The following ZNF469 variants were observed in gnomAD, a reference collection of about 807,000 sequenced individuals.
The protein encoded by ZNF469 is zinc finger protein 469.
In ZNF469, 1 loss-of-function variant was observed where a neutral mutation model predicts 1.0. The ratio of observed to expected loss-of-function variants is 1.00; its 90% confidence interval spans 0.35 to 4.73. The LOEUF (loss-of-function observed/expected upper bound fraction) is 4.73, where lower values mean the gene tolerates loss of function less well. Ranked by LOEUF, ZNF469 falls within the 30% of genes most tolerant of loss-of-function variation. The probability of loss-of-function intolerance (pLI) is 0.16; values close to 1 mark genes in which losing one functional copy is unlikely to be tolerated. For missense variants in ZNF469, 6,100 were observed against 5,356.3 expected, an observed-to-expected ratio of 1.14 and a Z score of -4.33; for synonymous variants, 2,703 against 2,363.4, an observed-to-expected ratio of 1.14 and a Z score of -4.17.
At chr16:88,415,516 C>A (rs560002432) in intron 1 of ZNF469, among the ~76,000 whole-genome samples, 29 of 152,364 alleles carry the variant, frequency 1.9e-4, no homozygotes, top group African/African-American at 5.5e-4. Flanking sequence ...GAGCCCCCAG[C>A]CTGGGAATGG....
the ZNF469 span, among the ~76,000 whole-genome samples, chr16:88,299,265 G>A: frequency 6.7e-6 from 1 of 149,916 alleles, no homozygotes; most frequent in African/African-American, 2.5e-5. Flanking sequence ...CTTCCTGGAG[G>A]AGGCAGCTTG....
At chr16:88,287,186 C>A in the ZNF469 span, among the ~76,000 whole-genome samples, 1 of 152,190 alleles carries the variant, frequency 6.6e-6, no homozygotes, top group South Asian at 2.1e-4. Context: ...TTGTCCGTAG[C>A]CGATGGCCAT....
At chr16:88,150,429 C>T in the ZNF469 span, among the ~76,000 whole-genome samples, 2 of 152,308 alleles carry the variant, frequency 1.3e-5, no homozygotes, top group Non-Finnish European at 1.5e-5. Flanking sequence ...ATAAATATTT[C>T]GAAGGGCAAG....
chr16:88,411,161 G>A (rs1905150055), intron 1 of ZNF469, among the ~76,000 whole-genome samples: 1 of 152,172 alleles, frequency 6.6e-6, no homozygotes, highest in Non-Finnish European at 1.5e-5. Context: ...ACTTGCTTTT[G>A]GGGGACACAC....
At chr16:88,289,097 T>G in the ZNF469 span, among the ~76,000 whole-genome samples, 4 of 151,824 alleles carry the variant, frequency 2.6e-5, no homozygotes, top group African/African-American at 9.7e-5. Context: ...TTGATAGTGA[T>G]GAGGGTGATG....
chr16:88,314,243 G>A, the ZNF469 span, among the ~76,000 whole-genome samples: 4 of 133,070 alleles, frequency 3.0e-5, no homozygotes, highest in East Asian at 6.2e-4. Context: ...TGATGCTGGT[G>A]TAGAATATCT....
At chr16:88,244,102 T>G in the ZNF469 span, among the ~76,000 whole-genome samples, 27 of 149,120 alleles carry the variant, frequency 1.8e-4, no homozygotes, top group African/African-American at 5.7e-4. Context: ...GATGGCTGAA[T>G]GGGTGGGTGG....
the ZNF469 span, among the ~76,000 whole-genome samples, chr16:88,280,651 A>G: frequency 2.3e-4 from 35 of 150,938 alleles, 1 homozygote; most frequent in African/African-American, 8.3e-4. Flanking sequence ...TGCATGGGTT[A>G]GTGTTGTGCC....
the ZNF469 span, among the ~76,000 whole-genome samples, chr16:88,235,143 A>T: frequency 1.3e-5 from 2 of 152,026 alleles, no homozygotes; most frequent in African/African-American, 4.8e-5. Context: ...TTGACAAGGG[A>T]TCCCGTGGTT....
At position 88,429,901 on chromosome 16, in the gene ZNF469, C is replaced by T. The variant is rs751453279; in HGVS notation, c.2431C>T (p.Pro811Ser). The T allele has an allele frequency of 1.8e-5, 28 of 1,550,236 alleles. No homozygotes were observed. In the South Asian group the frequency reaches 2.1e-4, roughly 12 times the overall value. ...CGCCCAGGCCGAGGGCAAAGACGAC[C>T]CCCTGAGGACAGGCTTCCTGCCCAG... The part of the protein sequence containing the change: ...GDAQAEGKDD[P>S]LRTGFLPSLA... The change falls in exon 3 of 3, where the codon CCC (proline) becomes TCC (serine). Residue 811 changes from proline to serine, a missense_variant. Pro to Ser is a moderately conservative substitution (Grantham distance 74, BLOSUM62 -1). Transcript: ENST00000565624.
the ZNF469 span, among the ~76,000 whole-genome samples, chr16:88,115,069 G>A: frequency 6.6e-6 from 1 of 152,198 alleles, no homozygotes; most frequent in Non-Finnish European, 1.5e-5. Flanking sequence ...TGGCTCCGCA[G>A]GGAAACGCAG....
At chr16:88,197,359 T>A in the ZNF469 span, among the ~76,000 whole-genome samples, 3 of 152,232 alleles carry the variant, frequency 2.0e-5, no homozygotes, top group Non-Finnish European at 4.4e-5. Context: ...GGGCAGCTTC[T>A]TCATGCTAAG....
the ZNF469 span, among the ~76,000 whole-genome samples, chr16:88,326,968 T>C: frequency 6.6e-6 from 1 of 152,098 alleles, no homozygotes; most frequent in South Asian, 2.1e-4. Flanking sequence ...CCCGTCGCTC[T>C]CCCTCCTGTC....
At chr16:88,247,743 G>C in the ZNF469 span, among the ~76,000 whole-genome samples, 1 of 152,138 alleles carries the variant, frequency 6.6e-6, no homozygotes, top group Non-Finnish European at 1.5e-5. Flanking sequence ...GTCAATGAGT[G>C]AGTGAATGAG....
At chr16:88,306,120 G>C in the ZNF469 span, among the ~76,000 whole-genome samples, 2 of 152,250 alleles carry the variant, frequency 1.3e-5, no homozygotes, top group African/African-American at 4.8e-5. Flanking sequence ...GCCTAAGGAA[G>C]TCACAAGGCA....
chr16:88,316,842 C>T, the ZNF469 span, among the ~76,000 whole-genome samples: 2 of 137,266 alleles, frequency 1.5e-5, no homozygotes, highest in African/African-American at 5.6e-5. Context: ...CCACTGCACC[C>T]AGCCTGGGTG....
chr16:88,398,368 AGGACCCGTGAGCCACGGATGAAG>A (rs1450626930), intron 1 of ZNF469, among the ~76,000 whole-genome samples: 1 of 146,570 alleles, frequency 6.8e-6, no homozygotes, highest in African/African-American at 2.6e-5. Flanking sequence ...CGGATGAAGG[AGGACCCGTGAGCCACGGATGAAG>A]GGACATGTGA....
In ZNF469 at chr16:88,432,105, G is replaced by A. The variant is rs1906235794; in HGVS notation, c.4635G>A (p.Lys1545=). Residue 1545 remains lysine (K), a synonymous_variant, in exon 3 of 3, where the codon AAG becomes AAA. Coordinates refer to ENST00000565624, the MANE Select transcript of ZNF469 (RefSeq NM_001367624.2). ...VPGAAPSLPG[K]GSGCSVALMS... is the part of the protein sequence containing the mutation. ...GCGCCGCCCCATCTTTGCCTGGGAA[G>A]GGGAGTGGATGTAGCGTTGCTCTTA... 6 of 1,550,542 alleles carry A rather than the reference G, an allele frequency of 3.9e-6. No individual in the cohort carries two copies. Among genetic ancestry groups the A allele is most frequent in the Non-Finnish European group, 5.2e-6 (6 of 1,147,026 alleles).
At chr16:88,186,269 C>T in the ZNF469 span, among the ~76,000 whole-genome samples, 2 of 152,314 alleles carry the variant, frequency 1.3e-5, no homozygotes, top group African/African-American at 4.8e-5. Flanking sequence ...GGATCCTGGA[C>T]TTGTCATGGG....
Sources: gnomAD v4.1 joint callset for allele counts (sites outside exome capture counted in the v4.1 genomes callset) on GRCh38, gnomAD v4.1.1 for gene constraint, MANE v1.5 for transcripts, NCBI Gene and HGNC (gene_info 2026-07-23, HGNC 2026-07-21) for gene names.